Variants in SV2C observed in about 807,000 individuals in gnomAD.
The protein encoded by SV2C is solute carrier family 22 member B3.
In SV2C, 49 loss-of-function variants were observed where a neutral mutation model predicts 79.7. The ratio of observed to expected loss-of-function variants is 0.61; its 90% confidence interval spans 0.49 to 0.78. The LOEUF (loss-of-function observed/expected upper bound fraction) is 0.78. Among genes scored for constraint, SV2C ranks in the 30% least tolerant of loss-of-function variants. SV2C has a pLI of 0.00. For missense variants in SV2C, 833 were observed against 912.9 expected, an observed-to-expected ratio of 0.91 and a Z score of 1.13; for synonymous variants, 334 against 333.2, an observed-to-expected ratio of 1.00 and a Z score of -0.03.
At chr5:75,888,854 C>A in the SV2C span, among the ~76,000 whole-genome samples, 1 of 151,998 alleles carries the variant, frequency 6.6e-6, no homozygotes, top group African/African-American at 2.4e-5. Context: ...TTTGTTAGGG[C>A]TACCTTAACA....
the SV2C span, among the ~76,000 whole-genome samples, chr5:76,039,515 C>T: frequency 1.3e-5 from 2 of 151,944 alleles, no homozygotes; most frequent in East Asian, 1.9e-4. Context: ...CAGCAGTTTG[C>T]GAGGCTGAGG....
At chr5:76,179,930 C>T (rs951776625) in intron 2 of SV2C, among the ~76,000 whole-genome samples, 9 of 119,688 alleles carry the variant, frequency 7.5e-5, no homozygotes, top group Non-Finnish European at 1.5e-4. Context: ...GCCATCTGAA[C>T]TTTAAAAACA....
intron 3 of SV2C, among the ~76,000 whole-genome samples, chr5:76,204,463 C>A (rs1744548707): frequency 6.6e-6 from 1 of 152,090 alleles, no homozygotes; most frequent in African/African-American, 2.4e-5. Flanking sequence ...TCAACTTTCT[C>A]CTTAATTATG....
chr5:76,124,449 CT>C (rs1423078290), intron 1 of SV2C, among the ~76,000 whole-genome samples: 1 of 152,128 alleles, frequency 6.6e-6, no homozygotes, highest in African/African-American at 2.4e-5. Context: ...GAATTTCCTT[CT>C]TTTTAAGGCT....
intron 2 of SV2C, among the ~76,000 whole-genome samples, chr5:76,165,934 G>C (rs563592882): frequency 3.7e-4 from 56 of 152,260 alleles, no homozygotes; most frequent in African/African-American, 1.1e-3. Context: ...CAGACCAGGA[G>C]AGTGAGAACT....
chr5:76,140,406 T>C (rs1281454671), intron 2 of SV2C, among the ~76,000 whole-genome samples: 4 of 152,220 alleles, frequency 2.6e-5, no homozygotes, highest in Admixed American at 6.5e-5. Context: ...CTGAAACCCT[T>C]ATTCCTTTAG....
rs1000856138 is a variant in SV2C, at chr5:76,325,487, C to T, written c.2124C>T (p.Leu708=). The change falls in exon 13 of 13, where the codon CTC becomes CTT. Residue 708 remains leucine (L), a synonymous_variant. Transcript: ENST00000502798. ...CCATCCTGCTGGCTTCTACTGTGCT[C>T]GTGTGTGGAGGACTCGTTGGGCTGT... is the stretch of plus-strand genomic sequence containing the variant. The part of the protein sequence containing the change: ...SIPILLASTV[L]VCGGLVGLCL... 41 of 1,614,036 alleles carry T rather than the reference C, an allele frequency of 2.5e-5. No individual in the cohort carries two copies. The highest frequency in any genetic ancestry group is 1.5e-4 in the African/African-American group (11 of 74,914).
the SV2C span, among the ~76,000 whole-genome samples, chr5:75,983,700 T>C: frequency 6.6e-6 from 1 of 152,068 alleles, no homozygotes; most frequent in South Asian, 2.1e-4. Flanking sequence ...CAGACTGTGA[T>C]AGTTGCATTC....
chr5:76,075,709 A>G, the SV2C span: 2 of 364,072 alleles, frequency 5.5e-6, no homozygotes. Flanking sequence ...CCCAGAAGCT[A>G]GAAAGAAGGG....
At chr5:76,285,751 A>G in intron 5 of SV2C, 30 bp from the exon 6 acceptor site, 1 of 1,594,812 alleles carries the variant, frequency 6.3e-7, no homozygotes, top group South Asian at 1.1e-5. Flanking sequence ...TGTCACTCCT[A>G]GCGCTTCACT....
chr5:75,920,769 C>G, the SV2C span: 1 of 780,532 alleles, frequency 1.3e-6, no homozygotes, highest in Non-Finnish European at 2.4e-6. Context: ...CTCTTGGGTC[C>G]CGTTGGGGTG....
At chr5:76,054,093 G>T in the SV2C span, among the ~76,000 whole-genome samples, 1 of 151,900 alleles carries the variant, frequency 6.6e-6, no homozygotes, top group South Asian at 2.1e-4. Flanking sequence ...CGGTCATCTA[G>T]GTTTTAAGCC....
At chr5:76,139,158 G>A (rs1160055484) in intron 2 of SV2C, among the ~76,000 whole-genome samples, 1 of 151,980 alleles carries the variant, frequency 6.6e-6, no homozygotes, top group Non-Finnish European at 1.5e-5. Flanking sequence ...TTGAAACTCA[G>A]TAGAGGAGGA....
At chr5:76,195,809 T>C (rs1744255515) in intron 3 of SV2C, among the ~76,000 whole-genome samples, 1 of 152,156 alleles carries the variant, frequency 6.6e-6, no homozygotes, top group Non-Finnish European at 1.5e-5. Context: ...AACGAATGGG[T>C]ACTAGGCTTA....
chr5:76,173,509 T>A, intron 2 of SV2C: 1 of 978,384 alleles, frequency 1.0e-6, no homozygotes, highest in Non-Finnish European at 1.7e-6. Context: ...TCTTAAAGGG[T>A]ACCACCACAG....
At chr5:75,930,571 C>T in the SV2C span, among the ~76,000 whole-genome samples, 5 of 152,150 alleles carry the variant, frequency 3.3e-5, no homozygotes, top group East Asian at 9.6e-4. Context: ...GAAGGTCTAT[C>T]ATCCAAGAGA....
At chr5:76,155,719 C>G (rs1742701674) in intron 2 of SV2C, among the ~76,000 whole-genome samples, 1 of 151,910 alleles carries the variant, frequency 6.6e-6, no homozygotes, top group South Asian at 2.1e-4. Flanking sequence ...GCTGAGAAGA[C>G]CTATGGTTAC....
intron 12 of SV2C, among the ~76,000 whole-genome samples, chr5:76,349,050 T>G (rs961989237): frequency 6.6e-5 from 10 of 152,128 alleles, no homozygotes; most frequent in African/African-American, 2.4e-4. Flanking sequence ...TGGGTCCATT[T>G]CCATACTCTA....
At chr5:76,033,588 T>C in the SV2C span, among the ~76,000 whole-genome samples, 12 of 152,322 alleles carry the variant, frequency 7.9e-5, no homozygotes, top group Non-Finnish European at 1.6e-4. Context: ...GAGGGCTCTG[T>C]TCTGTTCCAT....
Sources: gnomAD v4.1 joint callset for allele counts (sites outside exome capture counted in the v4.1 genomes callset) on GRCh38, gnomAD v4.1.1 for gene constraint, MANE v1.5 for transcripts, NCBI Gene and HGNC (gene_info 2026-07-23, HGNC 2026-07-21) for gene names.